TAFA1: variants seen among roughly 807,000 people sequenced by gnomAD.
TAFA1 encodes the protein chemokine-like protein TAFA-1.
TAFA1 carries 4 observed loss-of-function variants against 18.5 expected under a neutral mutation model. That is an observed-to-expected ratio of 0.22 (90% CI 0.11 to 0.49). TAFA1 has a LOEUF of 0.49. Among genes scored for constraint, TAFA1 ranks in the 20% least tolerant of loss-of-function variants. The probability of loss-of-function intolerance (pLI) is 0.98; values close to 1 mark genes in which losing one functional copy is unlikely to be tolerated. For synonymous variants in TAFA1, 56 were observed against 55.2 expected (o/e 1.01, Z -0.06); for missense variants, 147 against 169.0 (o/e 0.87, Z 0.72).
chr3:68,467,542 T>C (rs2071911936), intron 3 of TAFA1, among the ~76,000 whole-genome samples: 1 of 152,286 alleles, frequency 6.6e-6, no homozygotes, highest in South Asian at 2.1e-4. Flanking sequence ...TGAAGACCAC[T>C]GCAAGGGGGT....
chr3:68,075,324 T>G (rs1231535171), intron 2 of TAFA1, among the ~76,000 whole-genome samples: 2 of 152,192 alleles, frequency 1.3e-5, no homozygotes, highest in East Asian at 1.9e-4. Context: ...TGACCTTCAA[T>G]GAGTTTCCTT....
intron 2 of TAFA1, among the ~76,000 whole-genome samples, chr3:68,058,979 C>G (rs973318401): frequency 1.3e-4 from 20 of 152,172 alleles, no homozygotes; most frequent in African/African-American, 4.6e-4. Flanking sequence ...GAGATATTTG[C>G]TATTATATAT....
At chr3:68,483,736 A>G (rs1358050104) in intron 3 of TAFA1, among the ~76,000 whole-genome samples, 1 of 152,180 alleles carries the variant, frequency 6.6e-6, no homozygotes, top group Admixed American at 6.5e-5. Flanking sequence ...TGTGGGAGAG[A>G]AGCCTTCAGA....
chr3:68,320,508 G>A (rs1191441474), intron 2 of TAFA1, among the ~76,000 whole-genome samples: 1 of 152,114 alleles, frequency 6.6e-6, no homozygotes, highest in Non-Finnish European at 1.5e-5. Flanking sequence ...GTTATCTGCA[G>A]CAAGCCTATC....
At chr3:68,277,951 C>A (rs1201706306) in intron 2 of TAFA1, among the ~76,000 whole-genome samples, 1 of 152,122 alleles carries the variant, frequency 6.6e-6, no homozygotes, top group African/African-American at 2.4e-5. Context: ...ACAAAACTGT[C>A]CCATCGTAAC....
intron 2 of TAFA1, among the ~76,000 whole-genome samples, chr3:68,074,179 A>G (rs2064795612): frequency 1.3e-5 from 2 of 152,252 alleles, no homozygotes; most frequent in South Asian, 2.1e-4. Context: ...TCTTGCTCCT[A>G]TGAGAATTTA....
At chr3:68,325,791 C>T (rs2068767325) in intron 2 of TAFA1, among the ~76,000 whole-genome samples, 1 of 152,098 alleles carries the variant, frequency 6.6e-6, no homozygotes, top group African/African-American at 2.4e-5. Context: ...TATTCAGTTC[C>T]CATAACTCTG....
intron 2 of TAFA1, among the ~76,000 whole-genome samples, chr3:68,316,792 C>T (rs2068612704): frequency 6.6e-6 from 1 of 152,120 alleles, no homozygotes; most frequent in Non-Finnish European, 1.5e-5. Context: ...TGAAGTTGAA[C>T]TGTGTGTTAA....
chr3:68,448,535 A>G (rs2071511770), intron 3 of TAFA1, among the ~76,000 whole-genome samples: 1 of 152,102 alleles, frequency 6.6e-6, no homozygotes, highest in South Asian at 2.1e-4. Flanking sequence ...ATTCAAGGGT[A>G]GTTTGTTGCA....
At chr3:68,308,349 T>A (rs1277077835) in intron 2 of TAFA1, among the ~76,000 whole-genome samples, 4 of 152,204 alleles carry the variant, frequency 2.6e-5, no homozygotes, top group Non-Finnish European at 5.9e-5. Context: ...TGTATTCATT[T>A]TATAATAAAT....
rs149457838 is a variant in TAFA1 at position 68,177,243 on chromosome 3, A to G, written c.118+170499A>G. Among the ~76,000 whole-genome samples the G allele has an allele frequency of 7.2e-5, 11 of 152,332 alleles. No homozygotes were observed. The East Asian group carries it at 1.5e-3, about 21-fold the overall frequency. On this transcript the variant is annotated intron_variant, in intron 2 of 4. Transcript: ENST00000478136. Reference sequence around the variant, plus strand: ...ATTTCTGCCAAGTAGACACCAAGGCATGCTCCCTCGAATTTGCTCTGGGAT... The same window carrying G: ...ATTTCTGCCAAGTAGACACCAAGGCGTGCTCCCTCGAATTTGCTCTGGGAT...
At chr3:68,374,014 A>G (rs149148155) in intron 2 of TAFA1, among the ~76,000 whole-genome samples, 3 of 152,304 alleles carry the variant, frequency 2.0e-5, no homozygotes, top group African/African-American at 4.8e-5. Flanking sequence ...AGGAAATACA[A>G]TGTCTCCCGG....
chr3:68,190,118 T>C (rs1184269740), intron 2 of TAFA1, among the ~76,000 whole-genome samples: 1 of 151,922 alleles, frequency 6.6e-6, no homozygotes, highest in Non-Finnish European at 1.5e-5. Context: ...TCTTGAGTGG[T>C]ATCAGAAAGA....
In TAFA1 at chr3:68,519,362, G is replaced by A. The variant is rs116172524; in HGVS notation, c.260-19394G>A. ...CATTGCCTTGATCTTGGACTTCCCA[G>A]CCTCCAGAATTGTGAAAAATAAATT... On this transcript the variant is annotated intron_variant, in intron 3 of 4. Transcript: ENST00000478136. 6.3e-3 allele frequency among the ~76,000 whole-genome samples: 960 copies of A among 152,284 alleles called. 12 individuals are homozygous for A. The highest frequency in any genetic ancestry group is 0.021 in the African/African-American group (887 of 41,552).
chr3:68,540,442 A>G (rs2073353260), intron 4 of TAFA1, among the ~76,000 whole-genome samples: 1 of 152,236 alleles, frequency 6.6e-6, no homozygotes, highest in African/African-American at 2.4e-5. Context: ...AGAAGGTGGG[A>G]AATCAGGTTT....
chr3:68,477,578 A>G (rs2072126288), intron 3 of TAFA1, among the ~76,000 whole-genome samples: 1 of 151,828 alleles, frequency 6.6e-6, no homozygotes, highest in Non-Finnish European at 1.5e-5. Flanking sequence ...ATGGGGTTTC[A>G]CTATGTTGGT....
At chr3:68,234,571 AT>A (rs1364106711) in intron 2 of TAFA1, among the ~76,000 whole-genome samples, 5 of 152,060 alleles carry the variant, frequency 3.3e-5, no homozygotes, top group Admixed American at 3.3e-4. Context: ...CCATTTTTCT[AT>A]TTCCAAAAAG....
intron 2 of TAFA1, among the ~76,000 whole-genome samples, chr3:68,269,197 T>G (rs1217120340): frequency 3.3e-5 from 5 of 152,184 alleles, no homozygotes; most frequent in Admixed American, 3.3e-4. Context: ...CTCACTCCTG[T>G]AATCCCAGTG....
At chr3:67,999,867 C>A (rs1311978139), upstream of TAFA1, among the ~76,000 whole-genome samples, 1 of 151,684 alleles carries the variant, frequency 6.6e-6, no homozygotes, top group African/African-American at 2.4e-5. Flanking sequence ...CGGCTCACTG[C>A]AACCTCTGCC....
Sources: allele counts gnomAD v4.1 joint callset (sites outside exome capture counted in the v4.1 genomes callset), GRCh38; gene constraint gnomAD v4.1.1; transcripts MANE v1.5; gene names NCBI Gene and HGNC (gene_info 2026-07-23, HGNC 2026-07-21).